The following SNX29 variants were observed in gnomAD, a reference collection of about 807,000 sequenced individuals.
SNX29 encodes sorting nexin 29.
In SNX29, 78 loss-of-function variants were observed where a neutral mutation model predicts 102.1. That is an observed-to-expected ratio of 0.76 (90% CI 0.64 to 0.92). The LOEUF is 0.92. SNX29 is among the 40% of genes least tolerant of loss of function. The pLI is 0.00. For missense variants in SNX29, 1,280 were observed against 1,061.7 expected (o/e 1.21, Z -2.86); for synonymous variants, 580 against 414.5 (o/e 1.40, Z -4.85).
At chr16:12,559,760 G>A (rs1184378033) in intron 20 of SNX29, among the ~76,000 whole-genome samples, 1 of 152,086 alleles carries the variant, frequency 6.6e-6, no homozygotes, top group African/African-American at 2.4e-5. Context: ...CCTGACAGCA[G>A]TCACTCTGAA....
chr16:12,278,678 T>C (rs960617890), intron 15 of SNX29, among the ~76,000 whole-genome samples: 7 of 152,054 alleles, frequency 4.6e-5, no homozygotes, highest in Non-Finnish European at 7.4e-5. Context: ...TACTGTGATA[T>C]AAAAAAATCC....
At chr16:12,198,283 A>G (rs963546391) in intron 13 of SNX29, among the ~76,000 whole-genome samples, 1 of 151,864 alleles carries the variant, frequency 6.6e-6, no homozygotes, top group African/African-American at 2.4e-5. Flanking sequence ...AAATTAAAGC[A>G]TTGTGAAGGG....
intron 18 of SNX29, among the ~76,000 whole-genome samples, chr16:12,412,136 C>G (rs1452465910): frequency 2.0e-5 from 3 of 152,196 alleles, no homozygotes; most frequent in Non-Finnish European, 4.4e-5. Context: ...GTGGGAGAGC[C>G]GGCCATCGGG....
intron 16 of SNX29, among the ~76,000 whole-genome samples, chr16:12,371,414 C>T (rs949256885): frequency 6.6e-6 from 1 of 152,160 alleles, no homozygotes; most frequent in African/African-American, 2.4e-5. Context: ...CCTTGCACTT[C>T]AGGCTCCGGA....
intron 15 of SNX29, among the ~76,000 whole-genome samples, chr16:12,282,108 A>AAAAAAAT (rs1491128957): frequency 6.8e-6 from 1 of 147,018 alleles, no homozygotes; most frequent in African/African-American, 2.5e-5. Context: ...AAAAAAAAAA[A>AAAAAAAT]TGCAGAGCTG....
intron 16 of SNX29, among the ~76,000 whole-genome samples, chr16:12,365,280 A>C (rs1214952443): frequency 6.7e-6 from 1 of 149,776 alleles, no homozygotes; most frequent in Non-Finnish European, 1.5e-5. Flanking sequence ...CTGCGAAGTG[A>C]ATCTCTCCCT....
At position 12,571,579 on chromosome 16, in the gene SNX29, G is replaced by C. The variant is rs376197795; in HGVS notation, c.*2950G>C. ...CACACCGAATCCTTCTGTCTTCATG[G>C]CCTGCTGTGCTGAAACAGAACAGCA... On this transcript the variant is annotated 3_prime_UTR_variant, in exon 21 of 21. Transcript: ENST00000566228. 9.6e-7 allele frequency: 1 copy of C among 1,040,808 alleles called. No individual in the cohort carries two copies. Among genetic ancestry groups the C allele is most frequent in the African/African-American group, 1.7e-5 (1 of 60,408 alleles). 64.5% of individuals were successfully genotyped at this position (1,040,808 alleles called of 1,614,324 possible).
intron 14 of SNX29, among the ~76,000 whole-genome samples, chr16:12,237,336 G>C (rs141193826): frequency 2.7e-4 from 41 of 152,360 alleles, no homozygotes; most frequent in African/African-American, 9.4e-4. Context: ...GCCTCTGTCT[G>C]GGAGTGGGCA....
At chr16:12,553,898 C>T (rs923483065) in intron 20 of SNX29, among the ~76,000 whole-genome samples, 5 of 152,050 alleles carry the variant, frequency 3.3e-5, no homozygotes, top group Non-Finnish European at 7.4e-5. Flanking sequence ...GGCTGGAGTG[C>T]AGTGGCATGA....
chr16:12,271,626 CT>C (rs112723702), intron 14 of SNX29, among the ~76,000 whole-genome samples: 293 of 144,366 alleles, frequency 2.0e-3, no homozygotes, highest in Middle Eastern at 3.6e-3. Context: ...TTGGAACCAT[CT>C]TTTTTTTTTT....
intron 16 of SNX29, among the ~76,000 whole-genome samples, chr16:12,392,271 C>G (rs1019576): frequency 0.53 from 80,474 of 152,068 alleles, 22,305 homozygotes; most frequent in East Asian, 0.65. Context: ...TTCCTTGTTT[C>G]CAGGCTTTTA....
intron 20 of SNX29, among the ~76,000 whole-genome samples, chr16:12,551,767 C>T (rs561757215): frequency 6.6e-6 from 1 of 152,186 alleles, no homozygotes; most frequent in African/African-American, 2.4e-5. Context: ...TGTACACATA[C>T]CAGGGGCCCG....
intron 14 of SNX29, among the ~76,000 whole-genome samples, chr16:12,258,044 G>C (rs1310968349): frequency 6.6e-6 from 1 of 152,146 alleles, no homozygotes; most frequent in Non-Finnish European, 1.5e-5. Flanking sequence ...TTGTAGCTCT[G>C]AGCTGGTCAC....
At chr16:12,350,423 A>G (rs954342357) in intron 15 of SNX29, among the ~76,000 whole-genome samples, 1 of 152,204 alleles carries the variant, frequency 6.6e-6, no homozygotes, top group African/African-American at 2.4e-5. Flanking sequence ...TGCAGATACT[A>G]AAACATCATT....
At chr16:12,540,533 G>C (rs573048567) in intron 20 of SNX29, among the ~76,000 whole-genome samples, 2 of 152,162 alleles carry the variant, frequency 1.3e-5, no homozygotes, top group East Asian at 1.9e-4. Context: ...TTTGTTTCGC[G>C]GCTTCCTGGC....
chr16:12,434,159 G>C (rs933918047), intron 18 of SNX29, among the ~76,000 whole-genome samples: 1 of 152,216 alleles, frequency 6.6e-6, no homozygotes, highest in Non-Finnish European at 1.5e-5. Flanking sequence ...CTTCTGCCTG[G>C]CCTCAGGCAA....
intron 20 of SNX29, among the ~76,000 whole-genome samples, chr16:12,548,096 G>A (rs948163532): frequency 6.6e-5 from 10 of 152,178 alleles, no homozygotes; most frequent in African/African-American, 2.4e-4. Flanking sequence ...TGTTGCTAAG[G>A]GACATTGAGG....
At chr16:12,030,540 C>G (rs1230954979) in intron 4 of SNX29, among the ~76,000 whole-genome samples, 3 of 152,196 alleles carry the variant, frequency 2.0e-5, no homozygotes, top group African/African-American at 7.2e-5. Flanking sequence ...TCACATGGGT[C>G]CCTGAGCCAC....
intron 12 of SNX29, 101 bp downstream of exon 12, chr16:12,126,797 A>G: frequency 7.8e-7 from 1 of 1,286,628 alleles, no homozygotes; most frequent in South Asian, 1.3e-5. Flanking sequence ...CTTTCTTGGC[A>G]AAAATTGTGA....
Sources: gnomAD v4.1 joint callset for allele counts (sites outside exome capture counted in the v4.1 genomes callset) on GRCh38, gnomAD v4.1.1 for gene constraint, MANE v1.5 for transcripts, NCBI Gene and HGNC (gene_info 2026-07-23, HGNC 2026-07-21) for gene names.